TBC1D19: variants seen among roughly 807,000 people sequenced by gnomAD.
The protein encoded by TBC1D19 is TBC1 domain family member 19.
TBC1D19 carries 60 observed loss-of-function variants against 89.0 expected under a neutral mutation model. The observed-to-expected ratio is 0.67, with a 90% CI of 0.55 to 0.84. TBC1D19 has a LOEUF of 0.84. Ranked by LOEUF, TBC1D19 falls within the 40% of genes least tolerant of loss-of-function variation. The probability of loss-of-function intolerance (pLI) is 0.00; values close to 1 mark genes in which losing one functional copy is unlikely to be tolerated. For synonymous variants in TBC1D19, 189 were observed against 199.7 expected, an observed-to-expected ratio of 0.95 and a Z score of 0.45; for missense variants, 500 against 610.8, an observed-to-expected ratio of 0.82 and a Z score of 1.91.
chr4:26,730,932 C>A (rs1717623389), intron 15 of TBC1D19, among the ~76,000 whole-genome samples: 1 of 152,156 alleles, frequency 6.6e-6, no homozygotes, highest in South Asian at 2.1e-4. Context: ...GTCTTGGGTA[C>A]CTTGGATGTG....
intron 8 of TBC1D19, among the ~76,000 whole-genome samples, chr4:26,664,769 G>A (rs1711649594): frequency 6.6e-6 from 1 of 151,942 alleles, no homozygotes; most frequent in African/African-American, 2.4e-5. Flanking sequence ...CTCCCCCTGT[G>A]CTCTCAGGCG....
the TBC1D19 span, among the ~76,000 whole-genome samples, chr4:26,850,412 G>A: frequency 1.3e-5 from 2 of 151,650 alleles, no homozygotes; most frequent in Admixed American, 6.6e-5. Context: ...GCCAGGCTTG[G>A]TGGCACACGC....
the TBC1D19 span, among the ~76,000 whole-genome samples, chr4:26,827,883 C>T: frequency 3.3e-5 from 5 of 152,066 alleles, no homozygotes; most frequent in African/African-American, 1.2e-4. Context: ...CCGCTGTGCC[C>T]AGCTATTTTA....
chr4:26,773,682 TG>T, the TBC1D19 span, among the ~76,000 whole-genome samples: 1 of 152,342 alleles, frequency 6.6e-6, no homozygotes, highest in South Asian at 2.1e-4. Context: ...TTTCTGCATA[TG>T]GCTAGCCAGT....
chr4:26,589,302 A>C (rs1739622256), intron 1 of TBC1D19, among the ~76,000 whole-genome samples: 1 of 152,118 alleles, frequency 6.6e-6, no homozygotes, highest in Non-Finnish European at 1.5e-5. Flanking sequence ...CAACAACAAC[A>C]ACAAAACCCA....
intron 7 of TBC1D19, among the ~76,000 whole-genome samples, chr4:26,652,969 A>G (rs1744506707): frequency 6.6e-6 from 1 of 152,104 alleles, no homozygotes; most frequent in Non-Finnish European, 1.5e-5. Context: ...TAGGGTGTCA[A>G]TTTTAGATCT....
intron 8 of TBC1D19, among the ~76,000 whole-genome samples, chr4:26,664,273 G>A (rs751805847): frequency 6.6e-6 from 1 of 152,100 alleles, no homozygotes; most frequent in Non-Finnish European, 1.5e-5. Flanking sequence ...GTCATACCTG[G>A]GGTGAGTTTT....
the TBC1D19 span, among the ~76,000 whole-genome samples, chr4:26,821,857 C>T: frequency 6.6e-6 from 1 of 152,204 alleles, no homozygotes; most frequent in African/African-American, 2.4e-5. Flanking sequence ...CCACTTTTCT[C>T]CACGGCCCTT....
At chr4:26,587,362 G>A (rs1041690079) in intron 1 of TBC1D19, among the ~76,000 whole-genome samples, 2 of 152,056 alleles carry the variant, frequency 1.3e-5, no homozygotes, top group Non-Finnish European at 2.9e-5. Flanking sequence ...CAGATCGCTT[G>A]AGCTCACGAG....
intron 15 of TBC1D19, among the ~76,000 whole-genome samples, chr4:26,734,918 A>G (rs1265110844): frequency 9.5e-6 from 1 of 104,954 alleles, no homozygotes; most frequent in Non-Finnish European, 2.2e-5. Flanking sequence ...ACACATGTGT[A>G]CATACACATA....
intron 16 of TBC1D19, 103 bp from the exon 17 acceptor site, chr4:26,739,761 T>C: frequency 1.6e-6 from 1 of 612,090 alleles, no homozygotes; most frequent in Non-Finnish European, 2.6e-6. Flanking sequence ...TCTGGTGGTG[T>C]ATATGATTAC....
At chr4:26,739,999 A>C in intron 17 of TBC1D19, 26 bp downstream of exon 17, 1 of 1,432,318 alleles carries the variant, frequency 7.0e-7, no homozygotes, top group Non-Finnish European at 9.6e-7. Context: ...AAACTTGATC[A>C]AATTAGGTTG....
intron 15 of TBC1D19, among the ~76,000 whole-genome samples, chr4:26,725,244 C>T (rs1038888020): frequency 6.6e-6 from 1 of 152,122 alleles, no homozygotes; most frequent in Non-Finnish European, 1.5e-5. Context: ...AAATATTCCC[C>T]TGGTGGTTGT....
In TBC1D19 at chr4:26,683,326, A is replaced by T. The variant is rs371153547; in HGVS notation, c.817-349A>T. Reference sequence around the variant, plus strand: ...AATGGGAATAATAATCACTGACCTAATTCATTTTGTTGGTTTGGGATTAAA... The same window carrying T: ...AATGGGAATAATAATCACTGACCTATTTCATTTTGTTGGTTTGGGATTAAA... On this transcript the variant is annotated intron_variant, in intron 11 of 20. Coordinates refer to ENST00000264866, the MANE Select transcript of TBC1D19 (RefSeq NM_018317.4). Among the ~76,000 whole-genome samples the T allele has an allele frequency of 3.3e-4, 50 of 152,192 alleles. No individual in the cohort carries two copies. In the South Asian group the frequency reaches 8.1e-3, roughly 25 times the overall value.
chr4:26,613,133 C>T, intron 1 of TBC1D19, 36 bp from the exon 2 acceptor site: 1 of 1,356,828 alleles, frequency 7.4e-7, no homozygotes, highest in South Asian at 1.4e-5. Context: ...CTTTTCCTTC[C>T]TTATCTTTCT....
the TBC1D19 span, among the ~76,000 whole-genome samples, chr4:26,797,893 C>G: frequency 2.3e-3 from 355 of 152,216 alleles, 15 homozygotes; most frequent in East Asian, 0.059. Context: ...TAAAAATTAA[C>G]TCAAGGTATA....
chr4:26,736,787 A>G (rs1718075113), intron 16 of TBC1D19, among the ~76,000 whole-genome samples: 1 of 152,194 alleles, frequency 6.6e-6, no homozygotes, highest in Non-Finnish European at 1.5e-5. Context: ...CCACAATTAC[A>G]TCAGAGCATT....
intron 4 of TBC1D19, among the ~76,000 whole-genome samples, chr4:26,622,666 G>A (rs767558226): frequency 3.3e-5 from 5 of 152,030 alleles, no homozygotes; most frequent in Admixed American, 6.6e-5. Context: ...ATCAAAATAA[G>A]GATAATCTTG....
the TBC1D19 span, among the ~76,000 whole-genome samples, chr4:26,768,767 A>G: frequency 6.6e-6 from 1 of 152,254 alleles, no homozygotes; most frequent in South Asian, 2.1e-4. Flanking sequence ...AAACTATCCA[A>G]AATGAAATAC....
Sources: gnomAD v4.1 joint callset for allele counts (sites outside exome capture counted in the v4.1 genomes callset) on GRCh38, gnomAD v4.1.1 for gene constraint, MANE v1.5 for transcripts, NCBI Gene and HGNC (gene_info 2026-07-23, HGNC 2026-07-21) for gene names.